The following NEB variants were observed in gnomAD, a reference collection of about 807,000 sequenced individuals.
The protein encoded by NEB is nebulin, also known as nemaline myopathy type 2.
A neutral mutation model predicts 952.2 loss-of-function variants in NEB; 512 were observed. The ratio of observed to expected loss-of-function variants is 0.54; its 90% confidence interval spans 0.50 to 0.58. NEB has a LOEUF of 0.58. NEB is among the 20% of genes least tolerant of loss of function. The pLI is 0.00. For missense variants in NEB, 8,428 were observed against 9,231.1 expected (o/e 0.91, Z 3.56); for synonymous variants, 2,900 against 3,149.8 (o/e 0.92, Z 2.66).
chr2:151,543,675 C>T lies in NEB; in HGVS notation c.20578-2124G>A, dbSNP rs116203363. ...TTATTTATGTATTGATTTTTAGAGA[C>T]GGGGTCTCACTATATTGCCCAGGCT... On this transcript the variant is annotated intron_variant, in intron 135 of 181. Transcript: ENST00000397345. Among the ~76,000 whole-genome samples the T allele has an allele frequency of 3.7e-3, 566 of 152,204 alleles. 3 individuals are homozygous for T. The highest frequency in any genetic ancestry group is 6.9e-3 in the Admixed American group (106 of 15,286).
chr2:151,538,252 G>C lies in NEB; in HGVS notation c.20893-8C>G. On this transcript the variant is annotated splice_polypyrimidine_tract_variant and splice_region_variant and intron_variant, in intron 138 of 181. Coordinates refer to ENST00000397345, the MANE Select transcript of NEB (RefSeq NM_001164508.2). ...TGTTTCTTTGTAGCGTAGCTAGAAA[G>C]AGAAAAAACACATGAATTACAAAAA... is the stretch of plus-strand genomic sequence containing the variant. The C allele has an allele frequency of 6.3e-7, 1 of 1,587,146 alleles. No individual in the cohort carries two copies. Among genetic ancestry groups the C allele is most frequent in the Admixed American group, 1.7e-5 (1 of 59,740 alleles).
At chr2:151,653,952 G>T in intron 52 of NEB, 40 bp downstream of exon 52, 1 of 1,346,316 alleles carries the variant, frequency 7.4e-7, no homozygotes, top group Non-Finnish European at 1.1e-6. Flanking sequence ...ACCTGATTCA[G>T]ATAAAAATAT....
At chr2:151,534,387 T>A in intron 142 of NEB, 1 of 1,355,342 alleles carries the variant, frequency 7.4e-7, no homozygotes, top group Non-Finnish European at 1.0e-6. Context: ...TGTCTCAAGG[T>A]AAACACTCCA....
chr2:151,658,878 T>C (rs2099115459), intron 47 of NEB, among the ~76,000 whole-genome samples, 187 bp downstream of exon 47: 1 of 152,154 alleles, frequency 6.6e-6, no homozygotes, highest in Admixed American at 6.5e-5. Context: ...CTTAACTGCT[T>C]GGCCCAACCC....
chr2:151,616,105 A>G lies in NEB; in HGVS notation c.11186T>C (p.Leu3729Pro). The G allele has an allele frequency of 1.2e-6, 2 of 1,606,626 alleles. No homozygotes were observed. The highest frequency in any genetic ancestry group is 1.1e-5 in the South Asian group (1 of 90,128). Residue 3729 changes from leucine to proline, a missense_variant, in exon 76 of 182, where the codon CTC becomes CCC. By Grantham distance (98) the Leu-to-Pro change is moderately conservative. Transcript: ENST00000397345. Reference protein sequence around the residue: ...KLNRINYSDKLYKLALEESKK... With the variant: ...KLNRINYSDKPYKLALEESKK... ...GGACTCTTCCAAAGCAAGTTTATAG[A>G]GTTTCTGTAGAAAAGAAAGTCATTA...
chr2:151,570,321 G>A lies in NEB; in HGVS notation c.17190C>T (p.Asn5730=). 1 of 1,608,458 alleles carries A rather than the reference G, an allele frequency of 6.2e-7. No homozygotes were observed. Reference sequence around the variant, plus strand: ...CAGCTATGAGGGCCCAGCGGATCTTGTTGTCATCCCTGGCTGTGAGGGTGC... The same window carrying A: ...CAGCTATGAGGGCCCAGCGGATCTTATTGTCATCCCTGGCTGTGAGGGTGC... ...YVGTLTARDD[N]KIRWALIADK... The change falls in exon 109 of 182, where the codon AAC becomes AAT. Residue 5730 remains asparagine, a synonymous_variant. Coordinates refer to ENST00000397345, the MANE Select transcript of NEB (RefSeq NM_001164508.2).
At chr2:151,661,514 T>G (rs2099149517) in intron 46 of NEB, among the ~76,000 whole-genome samples, 1 of 152,234 alleles carries the variant, frequency 6.6e-6, no homozygotes, top group South Asian at 2.1e-4. Context: ...CCAGTGCTGC[T>G]GCAGTTATTT....
chr2:151,632,148 T>C (rs1262538265), intron 65 of NEB, among the ~76,000 whole-genome samples: 1 of 152,164 alleles, frequency 6.6e-6, no homozygotes, highest in East Asian at 1.9e-4. Flanking sequence ...CATATTTTTC[T>C]CACTTTATTA....
chr2:151,485,833 C>T lies in NEB; in HGVS notation c.25505G>A (p.Gly8502Asp). ...AIINVQAIDE[G>D]WMYGTVQRTG... ...CCTCTGCACAGTGCCATACATCCAG[C>T]CTTCATCAATTGCTTGAACATTTAT... is the stretch of plus-strand genomic sequence containing the variant. Residue 8502 changes from glycine to aspartate, a missense_variant, in exon 182 of 182, where the codon GGC (glycine) becomes GAC (aspartate). Coordinates refer to ENST00000397345, the MANE Select transcript of NEB (RefSeq NM_001164508.2). The T allele has an allele frequency of 2.5e-6, 4 of 1,614,098 alleles. No homozygotes were observed. The highest frequency in any genetic ancestry group is 3.4e-6 in the Non-Finnish European group (4 of 1,179,954).
rs762047958 is a variant in NEB, at chr2:151,629,622, C to T, written c.9748G>A (p.Glu3250Lys). ...AAGTCGTAGCCTTTCTTTTTTGCTT[C>T]TTCATTGGCAAGTTTGTATAGAGTC... ...SETLYKLANEEAKKKGYDLRS... is the reference protein window; with the variant it reads ...SETLYKLANEKAKKKGYDLRS... Residue 3250 changes from glutamate to lysine, a missense_variant, in exon 68 of 182, where the codon GAA (glutamate) becomes AAA (lysine). By Grantham distance (56) the Glu-to-Lys change is moderately conservative. Coordinates refer to ENST00000397345, the MANE Select transcript of NEB (RefSeq NM_001164508.2). 2.5e-6 allele frequency: 4 copies of T among 1,613,600 alleles called. No homozygotes were observed. Among genetic ancestry groups the T allele is most frequent in the South Asian group, 2.2e-5 (2 of 91,076 alleles).
At chr2:151,654,877 G>A (rs1226129099) in intron 51 of NEB, among the ~76,000 whole-genome samples, 1 of 152,196 alleles carries the variant, frequency 6.6e-6, no homozygotes, top group African/African-American at 2.4e-5. Flanking sequence ...ATTAGAGACA[G>A]GGTCTCCCAA....
chr2:151,497,845 C>T lies in NEB; in HGVS notation c.24208-127G>A, dbSNP rs996542404. 5.9e-6 allele frequency: 9 copies of T among 1,518,426 alleles called. No individual in the cohort carries two copies. The Middle Eastern group carries it at 5.1e-4, about 86-fold the overall frequency. The allele number at this position is 1,518,426 out of a possible 1,614,324, so 94.1% of individuals were successfully genotyped here. A position where few individuals can be genotyped will look rare whatever the true frequency, so the allele number is the denominator to read the frequency against. ...AAGTTATATGCTGACAAAATGCCAC[C>T]GACTACTTTAGTGGAAGCTGTTGTT... On this transcript the variant is annotated intron_variant, in intron 170 of 181. Coordinates refer to ENST00000397345, the MANE Select transcript of NEB (RefSeq NM_001164508.2).
intron 173 of NEB, among the ~76,000 whole-genome samples, chr2:151,494,614 C>T (rs1287371689): frequency 6.6e-6 from 1 of 152,040 alleles, no homozygotes; most frequent in Non-Finnish European, 1.5e-5. Context: ...TGAGGCTGTT[C>T]CTAATACATC....
At chr2:151,559,871 A>G (rs1423237178) in intron 124 of NEB, among the ~76,000 whole-genome samples, 1 of 152,194 alleles carries the variant, frequency 6.6e-6, no homozygotes, top group African/African-American at 2.4e-5. Context: ...GCAAACCACC[A>G]TGGCATATGT....
At chr2:151,494,717 C>G (rs1574834215) in intron 173 of NEB, among the ~76,000 whole-genome samples, 1 of 152,188 alleles carries the variant, frequency 6.6e-6, no homozygotes, top group Non-Finnish European at 1.5e-5. Context: ...GGCACGATCC[C>G]TGCTCACTGC....
intron 42 of NEB, 76 bp downstream of exon 42, chr2:151,665,257 G>A (rs2099200169): frequency 1.1e-5 from 15 of 1,364,338 alleles, no homozygotes; most frequent in Non-Finnish European, 1.3e-5. Context: ...TGTAGGAGAC[G>A]ATTGGGGCAC....
rs1055632606 is a variant in NEB at position 151,547,333 on chromosome 2, A to T, written c.20367+96T>A. 8.8e-6 allele frequency: 8 copies of T among 911,910 alleles called. No homozygotes were observed. In the African/African-American group the frequency reaches 1.3e-4, roughly 15 times the overall value. 56.5% of individuals were successfully genotyped at this position (911,910 alleles called of 1,614,324 possible). A position where few individuals can be genotyped will look rare whatever the true frequency, so the allele number is the denominator to read the frequency against. On this transcript the variant is annotated intron_variant, in intron 133 of 181. Transcript: ENST00000397345. ...CTCTTTGTTTAGAAGTGCTTATCAGAAAAGGCTGTTCAAAGACCACTGGTT... is the reference window on the plus strand; with the variant it reads ...CTCTTTGTTTAGAAGTGCTTATCAGTAAAGGCTGTTCAAAGACCACTGGTT...
chr2:151,634,619 G>A (rs1327243525), intron 64 of NEB, among the ~76,000 whole-genome samples: 1 of 152,028 alleles, frequency 6.6e-6, no homozygotes, highest in East Asian at 1.9e-4. Flanking sequence ...TCCAGCCTGG[G>A]TGACAGCAAG....
rs370566572 is a variant in NEB, at chr2:151,656,179, T to C, written c.6469A>G (p.Arg2157Gly). Residue 2157 changes from arginine to glycine, a missense_variant, in exon 49 of 182, where the codon AGG becomes GGG. Arg to Gly is a moderately radical substitution (Grantham distance 125). Around this residue, in one of 11 missense-constraint regions of NEB, gnomAD observed 2,851 missense variants for 2,791.5 expected, o/e 1.02. Coordinates refer to ENST00000397345, the MANE Select transcript of NEB (RefSeq NM_001164508.2). The stretch of plus-strand genomic sequence containing the variant: ...TCACTCTGTATGCGATTCATATTCC[T>C]GGTCAGCTCAATGTTCATTGCATCT... ...LPDAMNIELT[R>G]NMNRIQSDNE... 3.1e-6 allele frequency: 5 copies of C among 1,601,464 alleles called. No individual in the cohort carries two copies. The African/African-American group carries it at 4.0e-5, about 13-fold the overall frequency.
Sources: gnomAD v4.1 joint callset for allele counts (sites outside exome capture counted in the v4.1 genomes callset) on GRCh38, gnomAD v4.1.1 for gene constraint, gnomAD v4.1.1 regional missense constraint, MANE v1.5 for transcripts, NCBI Gene and HGNC (gene_info 2026-07-23, HGNC 2026-07-21) for gene names.